The following ACBD3 variants were observed in gnomAD, a reference collection of about 807,000 sequenced individuals.
ACBD3 encodes Golgi resident protein GCP60.
Under a neutral mutation model 66.9 loss-of-function variants are expected in ACBD3, and 30 were observed. That is an observed-to-expected ratio of 0.45 (90% CI 0.34 to 0.61). ACBD3 has a LOEUF of 0.61. Among genes scored for constraint, ACBD3 ranks in the 20% least tolerant of loss-of-function variants. ACBD3 has a pLI of 0.02. For synonymous variants in ACBD3, 278 were observed against 259.8 expected, an observed-to-expected ratio of 1.07 and a Z score of -0.68; for missense variants, 544 against 664.5, an observed-to-expected ratio of 0.82 and a Z score of 1.99.
chr1:226,154,362 T>C (rs9729554), intron 6 of ACBD3, among the ~76,000 whole-genome samples: 67,683 of 151,548 alleles, frequency 0.45, 15,284 homozygotes, highest in African/African-American at 0.5. Context: ...TATGAGCCAC[T>C]GCGCCCAGCC....
chr1:226,170,683 T>A (rs967540837), intron 1 of ACBD3, among the ~76,000 whole-genome samples: 6 of 151,988 alleles, frequency 3.9e-5, no homozygotes, highest in African/African-American at 7.3e-5. Flanking sequence ...ATGAAAAAAA[T>A]TTTTTGAAAT....
chr1:226,156,589 T>A (rs1249015874), intron 5 of ACBD3, among the ~76,000 whole-genome samples: 4 of 152,184 alleles, frequency 2.6e-5, no homozygotes, highest in Non-Finnish European at 4.4e-5. Flanking sequence ...TATTTTGGCA[T>A]ATCTCTACAC....
rs1659463818 is a variant in ACBD3 at position 226,146,838 on chromosome 1, A to C, written c.1376-17T>G. 1.2e-6 allele frequency: 2 copies of C among 1,609,744 alleles called. No homozygotes were observed. The highest frequency in any genetic ancestry group is 1.3e-5 in the African/African-American group (1 of 74,850). ...CGATGTTTTCTGTAAGAACAGAGAC[A>C]AGTCAATGAACAGATTCAGGAAAAC... On this transcript the variant is annotated splice_polypyrimidine_tract_variant and intron_variant, in intron 7 of 7. Transcript: ENST00000366812.
At chr1:226,157,852 G>A (rs1177499379) in intron 5 of ACBD3, among the ~76,000 whole-genome samples, 2 of 152,182 alleles carry the variant, frequency 1.3e-5, no homozygotes, top group Admixed American at 1.3e-4. Flanking sequence ...CTCCATTATG[G>A]CTTTCTAGTT....
chr1:226,184,259 G>A (rs542534774), intron 1 of ACBD3, among the ~76,000 whole-genome samples: 7 of 152,216 alleles, frequency 4.6e-5, no homozygotes, highest in Non-Finnish European at 4.4e-5. Flanking sequence ...TCTTCTGACT[G>A]CTTTTACATC....
intron 4 of ACBD3, 54 bp downstream of exon 4, chr1:226,161,476 AT>A (rs1335547355): frequency 6.2e-7 from 1 of 1,601,552 alleles, no homozygotes; most frequent in East Asian, 2.2e-5. Context: ...TCTTATTTTT[AT>A]TCTATTTTTT....
At position 226,186,650 on chromosome 1, in the gene ACBD3, C is replaced by A; in HGVS notation, c.26G>T (p.Arg9Leu). The change falls in exon 1 of 8, where the codon CGA (arginine) becomes CTA (leucine). Residue 9 changes from arginine (R) to leucine (L), a missense_variant. By Grantham distance (102) the Arg-to-Leu change is moderately radical. This residue lies in a region of ACBD3 where 137 missense variants were observed against 145.9 expected (regional missense o/e 0.94). Transcript: ENST00000366812. ...GAGGCCGTCGACGGACACCTCGAGT[C>A]GCTCTGCGTTCAGCACCGCCGCCAT... MAAVLNAE[R>L]LEVSVDGLTL... 1 of 1,514,320 alleles carries A rather than the reference C, an allele frequency of 6.6e-7. No homozygotes were observed. 93.8% of individuals were successfully genotyped at this position (1,514,320 alleles called of 1,614,324 possible).
intron 1 of ACBD3, among the ~76,000 whole-genome samples, chr1:226,186,055 C>G (rs1411410927): frequency 1.3e-5 from 2 of 152,214 alleles, no homozygotes; most frequent in African/African-American, 4.8e-5. Flanking sequence ...AAAAGGCAAT[C>G]CCAGAATGGG....
intron 7 of ACBD3, among the ~76,000 whole-genome samples, chr1:226,147,683 T>G (rs774312491): frequency 2.0e-5 from 3 of 152,142 alleles, no homozygotes; most frequent in Non-Finnish European, 4.4e-5. Context: ...TCAATTATTT[T>G]CACTAGGCCA....
intron 1 of ACBD3, among the ~76,000 whole-genome samples, chr1:226,168,370 C>G (rs980108669): frequency 6.6e-5 from 10 of 152,190 alleles, no homozygotes; most frequent in South Asian, 2.1e-4. Flanking sequence ...GCCCTATGAT[C>G]CAGTCATTCC....
chr1:226,156,509 T>A (rs9286996), intron 5 of ACBD3, among the ~76,000 whole-genome samples: 9,728 of 151,838 alleles, frequency 0.064, 414 homozygotes, highest in Non-Finnish European at 0.094. Context: ...GGAAAAAAAA[T>A]ACACACACGC....
intron 1 of ACBD3, among the ~76,000 whole-genome samples, chr1:226,169,112 C>T (rs1659933100): frequency 6.6e-6 from 1 of 152,226 alleles, no homozygotes; most frequent in African/African-American, 2.4e-5. Context: ...ATCCACCCAT[C>T]TCAGCCTCCC....
chr1:226,186,197 A>T (rs1656299640), intron 1 of ACBD3, among the ~76,000 whole-genome samples, 193 bp downstream of exon 1: 1 of 152,200 alleles, frequency 6.6e-6, no homozygotes, highest in Non-Finnish European at 1.5e-5. Flanking sequence ...CAGGCCCGTC[A>T]GGGGTGTGAC....
intron 6 of ACBD3, among the ~76,000 whole-genome samples, chr1:226,154,404 T>C (rs1023487387): frequency 6.6e-6 from 1 of 151,360 alleles, no homozygotes; most frequent in Non-Finnish European, 1.5e-5. Flanking sequence ...AGATAATTTA[T>C]ATATATATAT....
chr1:226,160,908 G>A (rs921432481), intron 4 of ACBD3, among the ~76,000 whole-genome samples: 5 of 152,216 alleles, frequency 3.3e-5, no homozygotes, highest in African/African-American at 1.2e-4. Flanking sequence ...CTGCAACTGG[G>A]TCTCACAGAT....
intron 2 of ACBD3, 90 bp downstream of exon 2, chr1:226,165,769 G>T: frequency 1.4e-6 from 2 of 1,422,644 alleles, no homozygotes; most frequent in South Asian, 3.1e-5. Flanking sequence ...CTAAGCTAAT[G>T]AACCAGCTAC....
chr1:226,181,942 C>A (rs1656178830), intron 1 of ACBD3, among the ~76,000 whole-genome samples: 1 of 152,150 alleles, frequency 6.6e-6, no homozygotes, highest in African/African-American at 2.4e-5. Context: ...TAGAACTGGG[C>A]AACTCTGGCC....
intron 7 of ACBD3, among the ~76,000 whole-genome samples, chr1:226,149,549 T>TTTTTTTTTG (rs1659525014): frequency 8.1e-6 from 1 of 123,222 alleles, no homozygotes; most frequent in African/African-American, 3.2e-5. Context: ...TTTTTTTTTT[T>TTTTTTTTTG]TTTTTTTTTG....
At chr1:226,157,036 G>A (rs1345383153) in intron 5 of ACBD3, among the ~76,000 whole-genome samples, 1 of 151,936 alleles carries the variant, frequency 6.6e-6, no homozygotes, top group Non-Finnish European at 1.5e-5. Flanking sequence ...AGCACAGAAA[G>A]GTATAAAAGC....
Sources: gnomAD v4.1 joint callset for allele counts (sites outside exome capture counted in the v4.1 genomes callset) on GRCh38, gnomAD v4.1.1 for gene constraint, gnomAD v4.1.1 regional missense constraint, MANE v1.5 for transcripts, NCBI Gene and HGNC (gene_info 2026-07-23, HGNC 2026-07-21) for gene names.